Variants in SPATA13 observed in about 807,000 individuals in gnomAD.
The protein encoded by SPATA13 is spermatogenesis-associated protein 13.
SPATA13 carries 50 observed loss-of-function variants against 104.0 expected under a neutral mutation model. The observed-to-expected ratio is 0.48, with a 90% CI of 0.38 to 0.61. The LOEUF is 0.61. Among genes scored for constraint, SPATA13 ranks in the 20% least tolerant of loss-of-function variants. The pLI is 0.00. For synonymous variants in SPATA13, 606 were observed against 667.5 expected (o/e 0.91, Z 1.42); for missense variants, 1,524 against 1,690.6 (o/e 0.90, Z 1.73).
At chr13:24,056,850 C>T (rs1878567381) in intron 3 of SPATA13, among the ~76,000 whole-genome samples, 1 of 151,596 alleles carries the variant, frequency 6.6e-6, no homozygotes, top group South Asian at 2.1e-4. Flanking sequence ...CATCGTCCTG[C>T]ACATAAAAAG....
chr13:23,982,073 GTTTTA>G (rs1384019782), intron 1 of SPATA13, among the ~76,000 whole-genome samples: 1 of 152,188 alleles, frequency 6.6e-6, no homozygotes, highest in Non-Finnish European at 1.5e-5. Context: ...AGATGTGTGT[GTTTTA>G]AAGTACTGTG....
intron 3 of SPATA13, among the ~76,000 whole-genome samples, chr13:24,031,288 A>G (rs7318680): frequency 0.99 from 150,165 of 152,312 alleles, 74,057 homozygotes; most frequent in Middle Eastern, 1. Context: ...GGTCTGGTCC[A>G]TAGCATAACT....
At chr13:24,034,631 G>A (rs1877611080) in intron 3 of SPATA13, 3 of 152,228 alleles carry the variant, frequency 2.0e-5, no homozygotes, top group Admixed American at 6.5e-5. Context: ...CCCTAGTCTT[G>A]TGATGTCACT....
chr13:24,065,662 A>G (rs1004533570), intron 3 of SPATA13, among the ~76,000 whole-genome samples: 4 of 152,262 alleles, frequency 2.6e-5, no homozygotes, highest in African/African-American at 7.2e-5. Context: ...ACAATTTATT[A>G]TTGATGAATA....
At chr13:24,114,279 T>A (rs1452155489) in intron 3 of SPATA13, among the ~76,000 whole-genome samples, 1 of 150,852 alleles carries the variant, frequency 6.6e-6, no homozygotes, top group Non-Finnish European at 1.5e-5. Context: ...AGATTGTGAA[T>A]CTTTCTCATT....
At position 24,249,782 on chromosome 13, in the gene SPATA13, A is replaced by G; in HGVS notation, c.1959A>G (p.Ile653Met). The part of the protein sequence containing the change: ...GARRRRPISV[I>M]GGVSLYGTNQ... ...GGAGAAGGCGCCCCATTTCCGTGATAGGTGGGGTCAGCTTGTATGGGACCA... is the reference window on the plus strand; with the variant it reads ...GGAGAAGGCGCCCCATTTCCGTGATGGGTGGGGTCAGCTTGTATGGGACCA... The change falls in exon 3 of 13, where the codon ATA (isoleucine) becomes ATG (methionine). Residue 653 changes from isoleucine (I) to methionine (M), a missense_variant. This residue lies in a region of SPATA13 where 1,089 missense variants were observed against 1,135.9 expected (regional missense o/e 0.96). Transcript: ENST00000382108. The G allele has an allele frequency of 1.2e-6, 2 of 1,613,914 alleles. No homozygotes were observed. The highest frequency in any genetic ancestry group is 1.7e-6 in the Non-Finnish European group (2 of 1,179,986).
intron 1 of SPATA13, among the ~76,000 whole-genome samples, chr13:24,167,663 G>A (rs1882800739): frequency 6.6e-6 from 1 of 152,168 alleles, no homozygotes; most frequent in African/African-American, 2.4e-5. Context: ...GTACCCAAGT[G>A]CCAGTTTACA....
At chr13:24,073,884 G>A (rs780324968) in intron 3 of SPATA13, among the ~76,000 whole-genome samples, 13 of 152,204 alleles carry the variant, frequency 8.5e-5, no homozygotes, top group Admixed American at 5.9e-4. Flanking sequence ...TGCCAGTTAC[G>A]TAGACCAAGA....
chr13:24,187,308 G>C (rs17080336), intron 1 of SPATA13, among the ~76,000 whole-genome samples: 7,202 of 152,118 alleles, frequency 0.047, 550 homozygotes, highest in African/African-American at 0.16. Context: ...AAGAAACTAC[G>C]CTTCTGGTTG....
At position 24,239,421 on chromosome 13, in the gene SPATA13, A is replaced by ATGG. The variant is rs1872722328; in HGVS notation, c.1654-10052_1654-10050dup. On this transcript the variant is annotated intron_variant, in intron 2 of 12. Coordinates refer to ENST00000382108, the MANE Select transcript of SPATA13 (RefSeq NM_001166271.3). ...AAGAAAGATAAACAACAGTCTGGGT[A>ATGG]TGGTGGCTCACACCTGTAATCCTAA... 8.5e-5 allele frequency among the ~76,000 whole-genome samples: 13 copies of ATGG among 152,206 alleles called. No individual in the cohort carries two copies. The South Asian group carries it at 2.7e-3, about 32-fold the overall frequency.
chr13:24,200,862 A>G (rs1452817387), intron 1 of SPATA13, among the ~76,000 whole-genome samples: 1 of 152,136 alleles, frequency 6.6e-6, no homozygotes, highest in African/African-American at 2.4e-5. Flanking sequence ...CAATGAAAAT[A>G]CACAGTTTCA....
chr13:24,015,235 A>G (rs926831590), intron 2 of SPATA13, among the ~76,000 whole-genome samples: 1 of 152,156 alleles, frequency 6.6e-6, no homozygotes, highest in Non-Finnish European at 1.5e-5. Flanking sequence ...ACTCTTAACG[A>G]GAGATGAATA....
rs536551730 is a variant in SPATA13 at position 24,231,062 on chromosome 13, C to G, written c.1653+6480C>G. On this transcript the variant is annotated intron_variant, in intron 2 of 12. Transcript: ENST00000382108. ...CCAGCTAAAGAACACTTGGCTCCCC[C>G]CAGAAGGCTTCCCCACGCCTTTTAC... Among the ~76,000 whole-genome samples the G allele has an allele frequency of 1.5e-3, 223 of 152,282 alleles. 2 individuals are homozygous for G. Among genetic ancestry groups the G allele is most frequent in the African/African-American group, 5.1e-3 (214 of 41,554 alleles).
At chr13:23,983,286 C>T (rs369959878) in intron 1 of SPATA13, among the ~76,000 whole-genome samples, 12 of 152,286 alleles carry the variant, frequency 7.9e-5, no homozygotes, top group African/African-American at 2.6e-4. Flanking sequence ...CTTCTTACTG[C>T]GTCTTCACGT....
At chr13:24,195,579 T>C (rs1593406048) in intron 1 of SPATA13, among the ~76,000 whole-genome samples, 1 of 152,286 alleles carries the variant, frequency 6.6e-6, no homozygotes, top group African/African-American at 2.4e-5. Flanking sequence ...TATAAGAGTG[T>C]TCTGATTTTT....
intron 1 of SPATA13, among the ~76,000 whole-genome samples, chr13:24,200,554 T>C (rs575794257): frequency 2.4e-4 from 37 of 152,162 alleles, no homozygotes; most frequent in Non-Finnish European, 4.3e-4. Context: ...CTTCGGGGAT[T>C]ATCACCACTT....
chr13:24,099,907 A>G (rs1880201595), intron 3 of SPATA13, among the ~76,000 whole-genome samples: 1 of 152,232 alleles, frequency 6.6e-6, no homozygotes. Context: ...ATGAAAAGCT[A>G]CGAAGAAATG....
intron 3 of SPATA13, among the ~76,000 whole-genome samples, chr13:24,072,310 C>T (rs1879191364): frequency 6.6e-6 from 1 of 152,172 alleles, no homozygotes; most frequent in Admixed American, 6.5e-5. Context: ...GAGAAACTGT[C>T]TTTAAAATCT....
intron 10 of SPATA13, 81 bp downstream of exon 10, chr13:24,294,949 C>T: frequency 7.0e-7 from 1 of 1,425,534 alleles, no homozygotes; most frequent in Admixed American, 1.9e-5. Context: ...ACTTTAATAT[C>T]CTGTGGTCAA....
Sources: gnomAD v4.1 joint callset for allele counts (sites outside exome capture counted in the v4.1 genomes callset) on GRCh38, gnomAD v4.1.1 for gene constraint, gnomAD v4.1.1 regional missense constraint, MANE v1.5 for transcripts, NCBI Gene and HGNC (gene_info 2026-07-23, HGNC 2026-07-21) for gene names.